Variants in BPIFB1 observed in about 807,000 individuals in gnomAD.
BPIFB1 encodes BPI fold containing family B member 1, also known as BPI fold-containing family B member 1.
BPIFB1 carries 34 observed loss-of-function variants against 55.1 expected under a neutral mutation model. The ratio of observed to expected loss-of-function variants is 0.62; its 90% CI spans 0.47 to 0.82. BPIFB1 has a LOEUF of 0.82. Among genes scored for constraint, BPIFB1 ranks in the 40% least tolerant of loss-of-function variants. The probability of loss-of-function intolerance (pLI) is 0.00; values close to 1 mark genes in which losing one functional copy is unlikely to be tolerated. For synonymous variants in BPIFB1, 236 were observed against 245.3 expected, an observed-to-expected ratio of 0.96 and a Z score of 0.35; for missense variants, 532 against 593.1, an observed-to-expected ratio of 0.90 and a Z score of 1.07.
chr20:33,285,437 G>A lies in BPIFB1; in HGVS notation c.-41-596G>A, dbSNP rs547355917. ...GTAAGAAAATAGCTAATACAGGCTG[G>A]GCGCGGTGGCTCACGCCTGTAATCC... On this transcript the variant is annotated intron_variant, in intron 1 of 15. Transcript: ENST00000253354. Among the ~76,000 whole-genome samples, 5 of 152,108 alleles carry A rather than the reference G, an allele frequency of 3.3e-5. No homozygotes were observed. In the South Asian group the frequency reaches 1.0e-3, roughly 32 times the overall value.
intron 6 of BPIFB1, among the ~76,000 whole-genome samples, chr20:33,293,771 G>T (rs981191956): frequency 2.0e-5 from 3 of 152,188 alleles, no homozygotes; most frequent in Non-Finnish European, 4.4e-5. Flanking sequence ...AGTCTAGGAT[G>T]TTGAGGCTGC....
chr20:33,298,456 A>G (rs1381051356), intron 7 of BPIFB1, among the ~76,000 whole-genome samples: 2 of 152,230 alleles, frequency 1.3e-5, no homozygotes, highest in East Asian at 1.9e-4. Flanking sequence ...GGATCAGAAG[A>G]GGCTCATTCC....
chr20:33,292,110 T>C (rs1256806486), intron 6 of BPIFB1, 122 bp downstream of exon 6: 4 of 906,296 alleles, frequency 4.4e-6, no homozygotes, highest in Non-Finnish European at 7.1e-6. Context: ...GAAAGAATTA[T>C]CTGGGGCTGG....
In BPIFB1 at chr20:33,301,233, G is replaced by T; in HGVS notation, c.748G>T (p.Ala250Ser). The change falls in exon 9 of 16, where the codon GCC (alanine) becomes TCC (serine). Residue 250 changes from alanine (A) to serine (S), a missense_variant and splice_region_variant. Physicochemically the swap from Ala to Ser is moderately conservative, Grantham distance 99. Transcript: ENST00000253354. ...KGDTIQLYLG[A>S]KLLDSQGKVT... is the part of the protein sequence containing the mutation. ...CTGACTCCCTGCTCTGTCTCCTCAGGCCAAGTTGTTGGACTCACAGGGAAA... is the reference window on the plus strand; with the variant it reads ...CTGACTCCCTGCTCTGTCTCCTCAGTCCAAGTTGTTGGACTCACAGGGAAA... 1 of 1,613,876 alleles carries T rather than the reference G, an allele frequency of 6.2e-7. No individual in the cohort carries two copies. Among genetic ancestry groups the T allele is most frequent in the Non-Finnish European group, 8.5e-7 (1 of 1,179,834 alleles).
At chr20:33,298,120 C>T (rs760435101) in intron 7 of BPIFB1, among the ~76,000 whole-genome samples, 3 of 152,024 alleles carry the variant, frequency 2.0e-5, no homozygotes, top group South Asian at 4.2e-4. Flanking sequence ...ACGCAGCCCC[C>T]GGACTAGTTT....
intron 1 of BPIFB1, among the ~76,000 whole-genome samples, chr20:33,283,739 GAT>G (rs951792446): frequency 3.3e-5 from 5 of 152,108 alleles, no homozygotes; most frequent in Admixed American, 6.5e-5. Context: ...AGGAGAGAAA[GAT>G]ATTCCACGAA....
chr20:33,294,753 T>A (rs779691466), intron 6 of BPIFB1, among the ~76,000 whole-genome samples: 2 of 152,140 alleles, frequency 1.3e-5, no homozygotes, highest in Non-Finnish European at 2.9e-5. Flanking sequence ...TCTTTAATGG[T>A]GAAAAGCTAA....
intron 6 of BPIFB1, among the ~76,000 whole-genome samples, chr20:33,293,126 T>C (rs1980526376): frequency 6.6e-6 from 1 of 152,242 alleles, no homozygotes; most frequent in South Asian, 2.1e-4. Context: ...TTTCGCCATG[T>C]TGGCCAGGCT....
chr20:33,289,940 G>A lies in BPIFB1; in HGVS notation c.313G>A (p.Asp105Asn). 1 of 1,614,206 alleles carries A rather than the reference G, an allele frequency of 6.2e-7. No individual in the cohort carries two copies. The highest frequency in any genetic ancestry group is 1.1e-5 in the South Asian group (1 of 91,078). Reference sequence around the variant, plus strand: ...GCTGCAGGTGAAGCCCTCGGCCAATGACCAGGAGCTGCTAGTCAAGATCCC... The same window carrying A: ...GCTGCAGGTGAAGCCCTCGGCCAATAACCAGGAGCTGCTAGTCAAGATCCC... ...LQLQVKPSAN[D>N]QELLVKIPLD... is the part of the protein sequence containing the mutation. The change falls in exon 4 of 16, where the codon GAC (aspartate) becomes AAC (asparagine). Residue 105 changes from aspartate (D) to asparagine (N), a missense_variant. By Grantham distance (23) the Asp-to-Asn change is conservative. Coordinates refer to ENST00000253354, the MANE Select transcript of BPIFB1 (RefSeq NM_033197.3).
chr20:33,284,740 G>A (rs1980211207), intron 1 of BPIFB1, among the ~76,000 whole-genome samples: 1 of 152,196 alleles, frequency 6.6e-6, no homozygotes, highest in Non-Finnish European at 1.5e-5. Context: ...GACAGAGCCA[G>A]GGTGCAAGCT....
chr20:33,304,411 G>A (rs1326921085), intron 12 of BPIFB1, among the ~76,000 whole-genome samples: 1 of 152,186 alleles, frequency 6.6e-6, no homozygotes, highest in African/African-American at 2.4e-5. Context: ...GGAGCCTCTG[G>A]GGACAAGTCA....
intron 11 of BPIFB1, 80 bp from the exon 12 acceptor site, chr20:33,303,878 C>G: frequency 7.0e-7 from 1 of 1,437,320 alleles, no homozygotes; most frequent in Non-Finnish European, 9.7e-7. Flanking sequence ...GATTCAGACC[C>G]CAGAGCCTCC....
intron 3 of BPIFB1, 120 bp downstream of exon 3, chr20:33,289,002 G>A: frequency 8.3e-7 from 1 of 1,208,988 alleles, no homozygotes; most frequent in Admixed American, 2.7e-5. Flanking sequence ...ACAAAGAGTG[G>A]ATCAAACAAA....
At chr20:33,295,973 AAGGAAGGGAGGGAGGG>A (rs1219675858) in intron 6 of BPIFB1, among the ~76,000 whole-genome samples, 1 of 123,000 alleles carries the variant, frequency 8.1e-6, no homozygotes, top group African/African-American at 3.2e-5. Flanking sequence ...GGAAGAAAGG[AAGGAAGGGAGGGAGGG>A]AGGGAGGGAG....
In BPIFB1 at chr20:33,301,373, G is replaced by T; in HGVS notation, c.888G>T (p.Val296=). The change falls in exon 9 of 16, where the codon GTG becomes GTT. Residue 296 remains valine (V), a synonymous_variant. Coordinates refer to ENST00000253354, the MANE Select transcript of BPIFB1 (RefSeq NM_033197.3). ...TGGTGAAAGCTGCAGTGGCTGCTGT[G>T]CTCTCTCCAGAAGAATTCATGGTCC... ...QDVVKAAVAA[V]LSPEEFMVLL... 1 of 1,614,112 alleles carries T rather than the reference G, an allele frequency of 6.2e-7. No homozygotes were observed. The highest frequency in any genetic ancestry group is 2.2e-5 in the East Asian group (1 of 44,886).
Position 33,290,558 on chromosome 20 carries a change from G to A in BPIFB1, c.366-399G>A, listed in dbSNP as rs113169772. 1.6e-3 allele frequency among the ~76,000 whole-genome samples: 251 copies of A among 152,226 alleles called. 1 individual carries two copies. The highest frequency in any genetic ancestry group is 5.5e-3 in the African/African-American group (227 of 41,536). ...ACTGAATATGCATGTGTATTCAGGGGGAAAGAGAGAGAAGTCAACGATGAC... is the reference window on the plus strand; with the variant it reads ...ACTGAATATGCATGTGTATTCAGGGAGAAAGAGAGAGAAGTCAACGATGAC... On this transcript the variant is annotated intron_variant, in intron 4 of 15. Coordinates refer to ENST00000253354, the MANE Select transcript of BPIFB1 (RefSeq NM_033197.3).
chr20:33,287,043 CCAACAGGCT>C (rs1555797178), intron 2 of BPIFB1, among the ~76,000 whole-genome samples: 4 of 152,154 alleles, frequency 2.6e-5, no homozygotes, highest in Non-Finnish European at 5.9e-5. Flanking sequence ...TCCTGTGGGA[CCAACAGGCT>C]CTGTAGCCAG....
chr20:33,309,067 G>A lies in BPIFB1; in HGVS notation c.1396-641G>A, dbSNP rs988130879. ...GCCTCTGTCCCCGGTGCTCAGCATGGCCTGGCACACAGTAGGTGTTCAATA... is the reference window on the plus strand; with the variant it reads ...GCCTCTGTCCCCGGTGCTCAGCATGACCTGGCACACAGTAGGTGTTCAATA... On this transcript the variant is annotated intron_variant, in intron 15 of 15. Transcript: ENST00000253354. This position sits in a 1 kb window ranked among gnomAD's most constrained non-coding sequence, Gnocchi z 4.4. Among the ~76,000 whole-genome samples, 1 of 152,120 alleles carries A rather than the reference G, an allele frequency of 6.6e-6. No individual in the cohort carries two copies. Among genetic ancestry groups the A allele is most frequent in the African/African-American group, 2.4e-5 (1 of 41,406 alleles).
intron 13 of BPIFB1, 37 bp downstream of exon 13, chr20:33,304,928 G>T (rs770521223): frequency 6.2e-7 from 1 of 1,610,866 alleles, no homozygotes; most frequent in Admixed American, 1.7e-5. Flanking sequence ...GGCACAGGGG[G>T]TGGCCTGGAA....
Sources: gnomAD v4.1 joint callset for allele counts (sites outside exome capture counted in the v4.1 genomes callset) on GRCh38, gnomAD v4.1.1 for gene constraint, Gnocchi (gnomAD v3.1) non-coding constraint, MANE v1.5 for transcripts, NCBI Gene and HGNC (gene_info 2026-07-23, HGNC 2026-07-21) for gene names.